The following FEZ2 variants were observed in gnomAD, a reference collection of about 807,000 sequenced individuals.
FEZ2 encodes the protein fasciculation and elongation protein zeta 2.
Under a neutral mutation model 40.4 loss-of-function variants are expected in FEZ2, and 51 were observed. That is an observed-to-expected ratio of 1.26 (90% CI 1.01 to 1.59). The LOEUF (loss-of-function observed/expected upper bound fraction) is 1.59, where lower values mean the gene tolerates loss of function less well. Among genes scored for constraint, FEZ2 ranks in the 40% most tolerant of loss-of-function variants. The pLI is 0.00. For synonymous variants in FEZ2, 242 were observed against 172.0 expected (o/e 1.41, Z -3.18); for missense variants, 640 against 438.3 (o/e 1.46, Z -4.11).
chr2:36,553,789 C>T (rs767413982), intron 7 of FEZ2, among the ~76,000 whole-genome samples: 2 of 152,248 alleles, frequency 1.3e-5, no homozygotes, highest in East Asian at 3.9e-4. Context: ...GCCACACTCT[C>T]ATCTGTGTTA....
At chr2:36,564,739 C>G (rs1668186094) in intron 5 of FEZ2, among the ~76,000 whole-genome samples, 1 of 152,066 alleles carries the variant, frequency 6.6e-6, no homozygotes, top group Non-Finnish European at 1.5e-5. Flanking sequence ...TCTCAGAGAA[C>G]AAAACCAAAA....
intron 7 of FEZ2, among the ~76,000 whole-genome samples, chr2:36,553,877 G>A (rs1533949): frequency 0.32 from 48,286 of 152,012 alleles, 7,905 homozygotes; most frequent in Middle Eastern, 0.51. Flanking sequence ...GCAAAGTGTC[G>A]TATTATTGGT....
chr2:36,576,748 C>G (rs151125794), intron 5 of FEZ2, among the ~76,000 whole-genome samples: 12 of 152,322 alleles, frequency 7.9e-5, no homozygotes, highest in Admixed American at 1.3e-4. Context: ...CCAATGAAGG[C>G]TGAAGTAAGA....
intron 3 of FEZ2, among the ~76,000 whole-genome samples, chr2:36,582,456 TA>T (rs996092563): frequency 6.6e-6 from 1 of 152,078 alleles, no homozygotes; most frequent in African/African-American, 2.4e-5. Context: ...TTCTAACTCT[TA>T]AAAAAAGGGA....
At position 36,552,308 on chromosome 2, in the gene FEZ2, G is replaced by A. The variant is rs1667832911; in HGVS notation, c.*855C>T. On this transcript the variant is annotated 3_prime_UTR_variant, in exon 8 of 8. Transcript: ENST00000405912. ...AATGCCATTGATTTGACTGGAACCAGCAAAAGTGCTCATGATATTGATGAA... is the reference window on the plus strand; with the variant it reads ...AATGCCATTGATTTGACTGGAACCAACAAAAGTGCTCATGATATTGATGAA... The A allele has an allele frequency of 2.4e-6, 1 of 420,212 alleles. No homozygotes were observed. 26.0% of individuals were successfully genotyped at this position (420,212 alleles called of 1,614,324 possible).
chr2:36,595,040 G>A (rs1375941171), intron 1 of FEZ2, among the ~76,000 whole-genome samples: 2 of 152,118 alleles, frequency 1.3e-5, no homozygotes, highest in African/African-American at 4.8e-5. Context: ...ACAACGGTCA[G>A]GACAGCTCTT....
chr2:36,577,041 A>C (rs1324635773), intron 5 of FEZ2, among the ~76,000 whole-genome samples: 1 of 152,234 alleles, frequency 6.6e-6, no homozygotes, highest in Non-Finnish European at 1.5e-5. Context: ...AAAGGGTGCC[A>C]GTTCTAAAAA....
At chr2:36,581,791 C>T (rs1668758109) in intron 3 of FEZ2, among the ~76,000 whole-genome samples, 1 of 151,956 alleles carries the variant, frequency 6.6e-6, no homozygotes, top group Non-Finnish European at 1.5e-5. Context: ...TAGAAGAAAG[C>T]AAATAACAGA....
At position 36,594,449 on chromosome 2, in the gene FEZ2, C is replaced by T. The variant is rs187658303; in HGVS notation, c.266+3428G>A. 350 of 199,492 alleles carry T rather than the reference C, an allele frequency of 1.8e-3. 9 individuals are homozygous for T. In the East Asian group the frequency reaches 0.048, roughly 28 times the overall value. 12.4% of individuals were successfully genotyped at this position (199,492 alleles called of 1,614,324 possible). On this transcript the variant is annotated intron_variant, in intron 1 of 7. Transcript: ENST00000405912. ...GGCTGGGGAGGCCTCAGAATCATGGCAGGAGGCAAAAGGCACTTCTTACAT... is the reference window on the plus strand; with the variant it reads ...GGCTGGGGAGGCCTCAGAATCATGGTAGGAGGCAAAAGGCACTTCTTACAT...
At chr2:36,581,229 T>A in intron 4 of FEZ2, 61 bp downstream of exon 4, 1 of 1,445,090 alleles carries the variant, frequency 6.9e-7, no homozygotes, top group Non-Finnish European at 9.7e-7. Flanking sequence ...GAGATGATCA[T>A]ACTATACATT....
At chr2:36,571,137 A>G (rs1277546888) in intron 5 of FEZ2, among the ~76,000 whole-genome samples, 1 of 152,198 alleles carries the variant, frequency 6.6e-6, no homozygotes, top group Non-Finnish European at 1.5e-5. Context: ...AGGTAATATT[A>G]TTTTTCATAA....
At chr2:36,561,365 C>T (rs1668089105) in intron 5 of FEZ2, 1 of 152,198 alleles carries the variant, frequency 6.6e-6, no homozygotes, top group Non-Finnish European at 1.5e-5. Context: ...GCTTCCCACT[C>T]ACTCTTCGGG....
In FEZ2 at chr2:36,553,184, A is replaced by T; in HGVS notation, c.1046-5T>A. The T allele has an allele frequency of 6.4e-7, 1 of 1,556,254 alleles. No individual in the cohort carries two copies. Among genetic ancestry groups the T allele is most frequent in the Non-Finnish European group, 8.7e-7 (1 of 1,147,314 alleles). On this transcript the variant is annotated splice_region_variant and splice_polypyrimidine_tract_variant and intron_variant, in intron 7 of 7. Transcript: ENST00000405912. ...TGCTCTATGTAGGACACAGAACTAG[A>T]AGAAAAAGAGAACTTTTAGCTACAA...
chr2:36,582,365 T>C (rs1372745081), intron 3 of FEZ2, among the ~76,000 whole-genome samples: 1 of 152,196 alleles, frequency 6.6e-6, no homozygotes, highest in South Asian at 2.1e-4. Context: ...GATGGGATTA[T>C]GTTAATTATA....
intron 4 of FEZ2, among the ~76,000 whole-genome samples, chr2:36,579,430 G>T (rs1262864407): frequency 6.6e-6 from 1 of 152,198 alleles, no homozygotes; most frequent in Non-Finnish European, 1.5e-5. Flanking sequence ...TGGAGGTGGG[G>T]CTTGGTGGGA....
chr2:36,581,469 A>G, intron 3 of FEZ2, 38 bp from the exon 4 acceptor site: 1 of 1,597,594 alleles, frequency 6.3e-7, no homozygotes, highest in South Asian at 1.1e-5. Flanking sequence ...TCAAATATAC[A>G]AAAGGAAAAT....
chr2:36,553,470 A>G (rs560816198), intron 7 of FEZ2, among the ~76,000 whole-genome samples: 1 of 152,166 alleles, frequency 6.6e-6, no homozygotes, highest in Non-Finnish European at 1.5e-5. Context: ...GAGGCTTGTG[A>G]CACAACAAAC....
intron 5 of FEZ2, among the ~76,000 whole-genome samples, chr2:36,574,380 A>T (rs2125231139): frequency 6.6e-6 from 1 of 152,338 alleles, no homozygotes; most frequent in South Asian, 2.1e-4. Flanking sequence ...TCATTCATTC[A>T]GCAGAAATTT....
chr2:36,565,398 C>T (rs182928165), intron 5 of FEZ2, among the ~76,000 whole-genome samples: 2 of 152,300 alleles, frequency 1.3e-5, no homozygotes, highest in Admixed American at 6.5e-5. Flanking sequence ...GAATGTCGTA[C>T]GACGCCATCC....
Sources: allele counts gnomAD v4.1 joint callset (sites outside exome capture counted in the v4.1 genomes callset), GRCh38; gene constraint gnomAD v4.1.1; transcripts MANE v1.5; gene names NCBI Gene and HGNC (gene_info 2026-07-23, HGNC 2026-07-21).